Variants in DENND5A observed in about 807,000 individuals in gnomAD.
DENND5A encodes DENN domain containing 5A.
DENND5A carries 64 observed loss-of-function variants against 140.3 expected under a neutral mutation model. That is an observed-to-expected ratio of 0.46 (90% CI 0.37 to 0.56). The LOEUF (loss-of-function observed/expected upper bound fraction) is 0.56, where lower values mean the gene tolerates loss of function less well. Among genes scored for constraint, DENND5A ranks in the 20% least tolerant of loss-of-function variants. The pLI is 0.00. For synonymous variants in DENND5A, 605 were observed against 607.7 expected, an observed-to-expected ratio of 1.00 and a Z score of 0.07; for missense variants, 1,292 against 1,593.8, an observed-to-expected ratio of 0.81 and a Z score of 3.22.
chr11:9,159,679 G>C (rs1847917921), intron 12 of DENND5A, among the ~76,000 whole-genome samples: 2 of 152,180 alleles, frequency 1.3e-5, no homozygotes, highest in Non-Finnish European at 2.9e-5. Flanking sequence ...TCTTGAGTAT[G>C]TATCTAGAAG....
intron 1 of DENND5A, among the ~76,000 whole-genome samples, chr11:9,253,584 G>T (rs1851819292): frequency 6.6e-6 from 1 of 151,912 alleles, no homozygotes; most frequent in South Asian, 2.1e-4. Context: ...AAGATGGTGA[G>T]AACCCATCCC....
At chr11:9,258,717 G>C (rs992936733) in intron 1 of DENND5A, among the ~76,000 whole-genome samples, 3 of 152,044 alleles carry the variant, frequency 2.0e-5, no homozygotes, top group Admixed American at 1.3e-4. Flanking sequence ...TATCACTCAA[G>C]TAGCAGAAAA....
chr11:9,158,504 T>C (rs576181811), intron 12 of DENND5A, among the ~76,000 whole-genome samples: 5 of 152,110 alleles, frequency 3.3e-5, no homozygotes, highest in African/African-American at 9.7e-5. Flanking sequence ...GCAGAGATCA[T>C]GCTAGTGCAC....
At position 9,265,168 on chromosome 11, in the gene DENND5A, C is replaced by A; in HGVS notation, c.-99G>T. 1 of 616,152 alleles carries A rather than the reference C, an allele frequency of 1.6e-6. No individual in the cohort carries two copies. 38.2% of individuals were successfully genotyped at this position (616,152 alleles called of 1,614,324 possible). A position where few individuals can be genotyped will look rare whatever the true frequency, so the allele number is the denominator to read the frequency against. On this transcript the variant is annotated 5_prime_UTR_variant, in exon 1 of 23. Coordinates refer to ENST00000328194, the MANE Select transcript of DENND5A (RefSeq NM_015213.4). This position sits in a 1 kb window ranked among gnomAD's most constrained non-coding sequence, Gnocchi z 4.7. Reference sequence around the variant, plus strand: ...GCCCTCAGGCCGCCCCTCCCGCCGCCGCCGCTACCGCGGCTCGGGCCGCCG... The same window carrying A: ...GCCCTCAGGCCGCCCCTCCCGCCGCAGCCGCTACCGCGGCTCGGGCCGCCG...
intron 1 of DENND5A, among the ~76,000 whole-genome samples, chr11:9,220,342 G>A (rs1273770657): frequency 6.6e-6 from 1 of 152,162 alleles, no homozygotes; most frequent in Non-Finnish European, 1.5e-5. Flanking sequence ...GAGGTCAGGA[G>A]TTCAAGACCA....
At chr11:9,229,528 T>A (rs1449504101) in intron 1 of DENND5A, among the ~76,000 whole-genome samples, 14 of 151,664 alleles carry the variant, frequency 9.2e-5, no homozygotes, top group African/African-American at 3.4e-4. Flanking sequence ...CCAAGGCGGG[T>A]CACAGATAAT....
chr11:9,206,020 C>T lies in DENND5A; in HGVS notation c.291+653G>A, dbSNP rs531240508. 3.3e-5 allele frequency among the ~76,000 whole-genome samples: 5 copies of T among 152,338 alleles called. No homozygotes were observed. In the South Asian group the frequency reaches 1.0e-3, roughly 32 times the overall value. On this transcript the variant is annotated intron_variant, in intron 3 of 22. Coordinates refer to ENST00000328194, the MANE Select transcript of DENND5A (RefSeq NM_015213.4). ...GGCCATGCGAGCTTGAATACATTAC[C>T]TAACCTCTTTGGATCTTAATTTCTT...
chr11:9,181,404 A>T (rs958521114), intron 5 of DENND5A, among the ~76,000 whole-genome samples: 1 of 152,208 alleles, frequency 6.6e-6, no homozygotes, highest in Non-Finnish European at 1.5e-5. Flanking sequence ...TTTAGCATCA[A>T]ACACAAAAGT....
At chr11:9,241,647 C>G (rs888610304) in intron 1 of DENND5A, among the ~76,000 whole-genome samples, 5 of 152,184 alleles carry the variant, frequency 3.3e-5, no homozygotes, top group African/African-American at 1.2e-4. Flanking sequence ...ACATATGGCT[C>G]ACTCCTTTGA....
intron 1 of DENND5A, among the ~76,000 whole-genome samples, chr11:9,227,404 A>G (rs1004615369): frequency 1.3e-5 from 2 of 152,130 alleles, no homozygotes; most frequent in Non-Finnish European, 2.9e-5. Flanking sequence ...ATACAAATTT[A>G]TAATTAAAAA....
intron 1 of DENND5A, among the ~76,000 whole-genome samples, chr11:9,229,412 C>A (rs937865408): frequency 6.6e-6 from 1 of 151,948 alleles, no homozygotes; most frequent in South Asian, 2.1e-4. Flanking sequence ...TAAAGGAGAC[C>A]GGAAGACCTC....
chr11:9,146,404 T>C (rs886722239), intron 16 of DENND5A, among the ~76,000 whole-genome samples: 1 of 152,092 alleles, frequency 6.6e-6, no homozygotes, highest in Non-Finnish European at 1.5e-5. Flanking sequence ...GAGACTACCC[T>C]CCACCCAGTA....
intron 5 of DENND5A, among the ~76,000 whole-genome samples, chr11:9,187,961 T>C (rs2136187887): frequency 6.6e-6 from 1 of 152,310 alleles, no homozygotes; most frequent in African/African-American, 2.4e-5. Flanking sequence ...AGAAAGTCCT[T>C]TTTATAAACC....
chr11:9,180,550 T>C (rs1397748020), intron 6 of DENND5A, among the ~76,000 whole-genome samples: 1 of 152,234 alleles, frequency 6.6e-6, no homozygotes, highest in African/African-American at 2.4e-5. Context: ...CTCTCCCTGA[T>C]GTTCAAAGCG....
At chr11:9,209,088 C>G (rs1411163167) in intron 1 of DENND5A, among the ~76,000 whole-genome samples, 2 of 152,206 alleles carry the variant, frequency 1.3e-5, no homozygotes, top group African/African-American at 4.8e-5. Flanking sequence ...TCTTCACTTT[C>G]AGTTATCAGT....
At chr11:9,214,040 T>G (rs1488476132) in intron 1 of DENND5A, among the ~76,000 whole-genome samples, 1 of 152,228 alleles carries the variant, frequency 6.6e-6, no homozygotes, top group African/African-American at 2.4e-5. Context: ...TGGGATATAC[T>G]AAAATTGATA....
At chr11:9,244,283 G>C (rs1431223782) in intron 1 of DENND5A, among the ~76,000 whole-genome samples, 2 of 152,204 alleles carry the variant, frequency 1.3e-5, no homozygotes, top group Non-Finnish European at 2.9e-5. Flanking sequence ...GTATGAAGAG[G>C]TGAGGCCTTT....
At chr11:9,224,744 G>A (rs1363555906) in intron 1 of DENND5A, among the ~76,000 whole-genome samples, 2 of 151,268 alleles carry the variant, frequency 1.3e-5, no homozygotes, top group Non-Finnish European at 2.9e-5. Flanking sequence ...TGTAATCCCA[G>A]CCACTCAGGA....
intron 13 of DENND5A, among the ~76,000 whole-genome samples, chr11:9,151,210 A>G (rs1847604513): frequency 6.6e-6 from 1 of 152,234 alleles, no homozygotes; most frequent in African/African-American, 2.4e-5. Context: ...ACAAAAGCCC[A>G]AGAGAATATA....
Sources: gnomAD v4.1 joint callset for allele counts (sites outside exome capture counted in the v4.1 genomes callset) on GRCh38, gnomAD v4.1.1 for gene constraint, Gnocchi (gnomAD v3.1) non-coding constraint, MANE v1.5 for transcripts, NCBI Gene and HGNC (gene_info 2026-07-23, HGNC 2026-07-21) for gene names.